THADA: variants seen among roughly 807,000 people sequenced by gnomAD.
The protein encoded by THADA is tRNA (32-2'-O)-methyltransferase regulator THADA.
In THADA, 213 loss-of-function variants were observed where a neutral mutation model predicts 219.8. The ratio of observed to expected loss-of-function variants is 0.97; its 90% CI spans 0.87 to 1.09. The LOEUF is 1.09. THADA is among the 50% of genes least tolerant of loss of function. THADA has a pLI of 0.00. For synonymous variants in THADA, 1,018 were observed against 828.9 expected (o/e 1.23, Z -3.92); for missense variants, 2,956 against 2,311.3 (o/e 1.28, Z -5.72).
intron 7 of THADA, among the ~76,000 whole-genome samples, 167 bp downstream of exon 7, chr2:43,586,234 C>A (rs1271098019): frequency 6.6e-6 from 1 of 152,088 alleles, no homozygotes; most frequent in Non-Finnish European, 1.5e-5. Context: ...CACTGCACTA[C>A]AGCCTGGGTG....
chr2:43,442,350 C>T (rs541987307), intron 26 of THADA, among the ~76,000 whole-genome samples: 9 of 152,196 alleles, frequency 5.9e-5, no homozygotes, highest in African/African-American at 2.2e-4. Context: ...GCAAGAGAAT[C>T]GCTTGAACCC....
intron 34 of THADA, among the ~76,000 whole-genome samples, chr2:43,289,854 T>C (rs1286325220): frequency 1.3e-5 from 2 of 151,998 alleles, no homozygotes; most frequent in Admixed American, 6.6e-5. Flanking sequence ...GGTTTTGCCA[T>C]GTTGGCCAGG....
chr2:43,557,537 T>C (rs1697523899), intron 16 of THADA, among the ~76,000 whole-genome samples: 1 of 152,204 alleles, frequency 6.6e-6, no homozygotes, highest in South Asian at 2.1e-4. Context: ...TCAGAAATTA[T>C]GCATCAGAGC....
chr2:43,231,340 C>T lies in THADA; in HGVS notation c.5470G>A (p.Glu1824Lys). 1 of 1,525,580 alleles carries T rather than the reference C, an allele frequency of 6.6e-7. No homozygotes were observed. The allele number at this position is 1,525,580 out of a possible 1,614,324, so 94.5% of individuals were successfully genotyped here. Reference protein sequence around the residue: ...VACVESMHQVEEDYLFEKAEV... With the variant: ...VACVESMHQVKEDYLFEKAEV... ...GCTTTTTCAAACAGGTAGTCTTCTT[C>T]CACCTAAATCAGATGAAAAAGCCGA... Residue 1824 changes from glutamate to lysine, a missense_variant, in exon 38 of 38, where the codon GAA becomes AAA. By Grantham distance (56) the Glu-to-Lys change is moderately conservative. Coordinates refer to ENST00000405975, the MANE Select transcript of THADA (RefSeq NM_022065.5).
chr2:43,473,359 A>T (rs1296438977), intron 26 of THADA, among the ~76,000 whole-genome samples: 1 of 151,974 alleles, frequency 6.6e-6, no homozygotes, highest in Non-Finnish European at 1.5e-5. Flanking sequence ...TCAATATCCC[A>T]CCTCTACATT....
chr2:43,549,109 G>A, intron 20 of THADA, 101 bp downstream of exon 20: 2 of 1,068,240 alleles, frequency 1.9e-6, no homozygotes, highest in Admixed American at 3.6e-5. Flanking sequence ...GAAATGTTCT[G>A]CACAGATTTG....
chr2:43,339,026 T>A (rs1185114140), intron 30 of THADA, among the ~76,000 whole-genome samples: 2 of 152,142 alleles, frequency 1.3e-5, no homozygotes, highest in Non-Finnish European at 2.9e-5. Context: ...ATAACTTACA[T>A]ATACAGTATA....
At chr2:43,373,018 T>C (rs1670983075) in intron 29 of THADA, among the ~76,000 whole-genome samples, 1 of 151,968 alleles carries the variant, frequency 6.6e-6, no homozygotes, top group Non-Finnish European at 1.5e-5. Context: ...AAACTCTCCA[T>C]TGGAATACCC....
chr2:43,247,821 T>A (rs953440941), intron 36 of THADA, among the ~76,000 whole-genome samples: 1 of 146,792 alleles, frequency 6.8e-6, no homozygotes, highest in Non-Finnish European at 1.5e-5. Flanking sequence ...TGTGGGAGGA[T>A]CACTTGAGCC....
At chr2:43,479,250 C>G (rs1235585749) in intron 26 of THADA, among the ~76,000 whole-genome samples, 1 of 152,074 alleles carries the variant, frequency 6.6e-6, no homozygotes, top group Admixed American at 6.6e-5. Flanking sequence ...TCTAAATAAT[C>G]GACTGATTTT....
At chr2:43,245,764 C>T (rs113898634) in intron 36 of THADA, among the ~76,000 whole-genome samples, 5 of 152,198 alleles carry the variant, frequency 3.3e-5, no homozygotes, top group African/African-American at 1.2e-4. Flanking sequence ...AAGGGGACTG[C>T]TTGGCTCCCA....
At chr2:43,420,081 C>T (rs1050738045) in intron 28 of THADA, among the ~76,000 whole-genome samples, 10 of 152,206 alleles carry the variant, frequency 6.6e-5, no homozygotes, top group African/African-American at 2.4e-4. Flanking sequence ...ACTTTTCACT[C>T]CTCTCACATG....
At chr2:43,288,304 G>T (rs1267489415) in intron 34 of THADA, among the ~76,000 whole-genome samples, 1 of 152,212 alleles carries the variant, frequency 6.6e-6, no homozygotes, top group Non-Finnish European at 1.5e-5. Context: ...TGTAATCCCA[G>T]CTACTCAGGA....
chr2:43,466,245 T>G (rs373927559), intron 26 of THADA, among the ~76,000 whole-genome samples: 15 of 152,338 alleles, frequency 9.8e-5, no homozygotes, highest in African/African-American at 3.6e-4. Flanking sequence ...TGGAGAATCA[T>G]AATGCATAGC....
chr2:43,556,678 T>G, intron 16 of THADA, 123 bp from the exon 17 acceptor site: 1 of 844,342 alleles, frequency 1.2e-6, no homozygotes, highest in East Asian at 2.7e-5. Flanking sequence ...GAGTCCCAGC[T>G]ACTCAAGAGG....
intron 29 of THADA, among the ~76,000 whole-genome samples, chr2:43,375,173 T>C (rs1244457321): frequency 6.6e-6 from 1 of 152,222 alleles, no homozygotes; most frequent in Non-Finnish European, 1.5e-5. Flanking sequence ...TCGTTGCCAA[T>C]TATGCGTTAT....
chr2:43,459,723 T>C (rs1683407339), intron 26 of THADA, among the ~76,000 whole-genome samples: 1 of 152,170 alleles, frequency 6.6e-6, no homozygotes, highest in South Asian at 2.1e-4. Flanking sequence ...ACTGTGTACA[T>C]AGGTCCATAC....
intron 28 of THADA, among the ~76,000 whole-genome samples, chr2:43,400,275 T>A (rs1000728295): frequency 1.3e-5 from 2 of 151,998 alleles, no homozygotes; most frequent in Admixed American, 6.6e-5. Context: ...TTAGGGTGGT[T>A]TCCAAATGCA....
intron 25 of THADA, among the ~76,000 whole-genome samples, chr2:43,489,295 T>A (rs1272408934): frequency 6.6e-6 from 1 of 152,160 alleles, no homozygotes; most frequent in Non-Finnish European, 1.5e-5. Flanking sequence ...ATCCTCCAGC[T>A]GCAGCCTTCC....
Sources: allele counts gnomAD v4.1 joint callset (sites outside exome capture counted in the v4.1 genomes callset), GRCh38; gene constraint gnomAD v4.1.1; transcripts MANE v1.5; gene names NCBI Gene and HGNC (gene_info 2026-07-23, HGNC 2026-07-21).